The following HECW1 variants were observed in gnomAD, a reference collection of about 807,000 sequenced individuals.
HECW1 encodes the protein E3 ubiquitin-protein ligase HECW1.
A neutral mutation model predicts 182.3 loss-of-function variants in HECW1; 61 were observed. The observed-to-expected ratio is 0.33, with a 90% CI of 0.27 to 0.41. HECW1 has a LOEUF of 0.41. Ranked by LOEUF, HECW1 falls within the 10% of genes least tolerant of loss-of-function variation. The pLI, the probability that HECW1 is intolerant of heterozygous loss-of-function variation, is 1.00. For synonymous variants in HECW1, 859 were observed against 832.6 expected, an observed-to-expected ratio of 1.03 and a Z score of -0.55; for missense variants, 1,739 against 2,108.9, an observed-to-expected ratio of 0.82 and a Z score of 3.44.
chr7:43,150,628 C>T (rs1212409805), intron 2 of HECW1, among the ~76,000 whole-genome samples: 1 of 152,212 alleles, frequency 6.6e-6, no homozygotes, highest in Non-Finnish European at 1.5e-5. Context: ...ATCCACCTGC[C>T]TTGGCCTCCC....
intron 6 of HECW1, among the ~76,000 whole-genome samples, chr7:43,388,246 A>G (rs58158952): frequency 0.011 from 1,600 of 152,310 alleles, 26 homozygotes; most frequent in African/African-American, 0.033. Flanking sequence ...TTCCTGAATT[A>G]TTTATCTCTT....
At chr7:43,474,621 A>C (rs1325825435) in intron 16 of HECW1, among the ~76,000 whole-genome samples, 2 of 152,180 alleles carry the variant, frequency 1.3e-5, no homozygotes, top group Non-Finnish European at 2.9e-5. Context: ...AAAGACATAC[A>C]GTCGTAGTAG....
At chr7:43,514,650 C>T (rs1470665640) in intron 24 of HECW1, among the ~76,000 whole-genome samples, 1 of 152,130 alleles carries the variant, frequency 6.6e-6, no homozygotes, top group Non-Finnish European at 1.5e-5. Context: ...ATTGATGAGG[C>T]ACTCATATGC....
At chr7:43,518,715 T>C (rs1035901201) in intron 24 of HECW1, among the ~76,000 whole-genome samples, 5 of 151,728 alleles carry the variant, frequency 3.3e-5, no homozygotes, top group Non-Finnish European at 1.5e-5. Flanking sequence ...TATGAAAAAG[T>C]TGGTCAGAGA....
intron 21 of HECW1, among the ~76,000 whole-genome samples, chr7:43,506,791 G>A (rs973952963): frequency 6.6e-6 from 1 of 152,002 alleles, no homozygotes; most frequent in Non-Finnish European, 1.5e-5. Flanking sequence ...AATTATCTGG[G>A]TGTGGTAGTG....
intron 3 of HECW1, among the ~76,000 whole-genome samples, chr7:43,281,700 CTTTCT>C (rs1803927519): frequency 7.3e-6 from 1 of 136,246 alleles, no homozygotes; most frequent in Non-Finnish European, 1.6e-5. Flanking sequence ...TTTCTGTTCT[CTTTCT>C]TTGCTTTCTT....
At chr7:43,401,545 T>C (rs2075407280) in intron 7 of HECW1, among the ~76,000 whole-genome samples, 1 of 144,564 alleles carries the variant, frequency 6.9e-6, no homozygotes, top group East Asian at 2.0e-4. Flanking sequence ...GACCAACACC[T>C]AGACAAATCT....
rs2081375523 is a variant in HECW1, at chr7:43,541,881, G to A, written c.4131G>A (p.Leu1377=). Reference sequence around the variant, plus strand: ...TGAATTCACCCAGGCCCTGTGATTTGAGTGACCTGGAATATTTGGATGAGG... The same window carrying A: ...TGAATTCACCCAGGCCCTGTGATTTAAGTGACCTGGAATATTTGGATGAGG... ...YKALLRLPCD[L]SDLEYLDEEF... Residue 1377 remains leucine, a synonymous_variant, in exon 26 of 30, where the codon TTG becomes TTA. Coordinates refer to ENST00000395891, the MANE Select transcript of HECW1 (RefSeq NM_015052.5). The A allele has an allele frequency of 6.6e-7, 1 of 1,521,832 alleles. No homozygotes were observed. The allele number at this position is 1,521,832 out of a possible 1,614,324, so 94.3% of individuals were successfully genotyped here.
chr7:43,514,659 G>C (rs2080055098), intron 24 of HECW1, among the ~76,000 whole-genome samples: 1 of 152,130 alleles, frequency 6.6e-6, no homozygotes, highest in Non-Finnish European at 1.5e-5. Context: ...GCACTCATAT[G>C]CTACTTTTTT....
rs117889829 is a variant in HECW1 at position 43,562,481 on chromosome 7, T to G, written c.*555T>G. On this transcript the variant is annotated 3_prime_UTR_variant, in exon 30 of 30. Coordinates refer to ENST00000395891, the MANE Select transcript of HECW1 (RefSeq NM_015052.5). ...GACAACAGTGGCAAAGCTGAAATTT[T>G]TATACATTCAACTCATGATTCACAT... 3.9e-4 allele frequency: 88 copies of G among 228,312 alleles called. 2 individuals are homozygous for G. The East Asian group carries it at 5.0e-3, about 13-fold the overall frequency. The allele number at this position is 228,312 out of a possible 1,614,324, so 14.1% of individuals were successfully genotyped here. A position where few individuals can be genotyped will look rare whatever the true frequency, so the allele number is the denominator to read the frequency against.
At chr7:43,155,943 G>GTA in intron 2 of HECW1, among the ~76,000 whole-genome samples, 1 of 152,296 alleles carries the variant, frequency 6.6e-6, no homozygotes, top group East Asian at 1.9e-4. Context: ...ACTGGCAACA[G>GTA]TCTACATTTC....
intron 2 of HECW1, among the ~76,000 whole-genome samples, chr7:43,184,755 G>C (rs1189778627): frequency 6.6e-6 from 1 of 152,168 alleles, no homozygotes; most frequent in East Asian, 1.9e-4. Flanking sequence ...ACAAAGAGAA[G>C]AGGTTTAGTT....
At chr7:43,357,809 C>G (rs2152810117) in intron 5 of HECW1, among the ~76,000 whole-genome samples, 1 of 152,010 alleles carries the variant, frequency 6.6e-6, no homozygotes. Flanking sequence ...ATGTATATCC[C>G]AATTACATTC....
intron 27 of HECW1, among the ~76,000 whole-genome samples, chr7:43,551,170 A>C (rs1023856439): frequency 2.6e-5 from 4 of 152,152 alleles, no homozygotes; most frequent in Non-Finnish European, 5.9e-5. Flanking sequence ...GGAGAAGTGC[A>C]CTGGCCATGG....
At chr7:43,433,165 T>C (rs930414044) in intron 8 of HECW1, among the ~76,000 whole-genome samples, 1 of 152,198 alleles carries the variant, frequency 6.6e-6, no homozygotes, top group Non-Finnish European at 1.5e-5. Flanking sequence ...TTAATAAGAA[T>C]GCCAACAAAA....
Position 43,164,682 on chromosome 7 carries a change from C to A in HECW1, c.-32+50291C>A, listed in dbSNP as rs549000631. Among the ~76,000 whole-genome samples, 584 of 152,280 alleles carry A rather than the reference C, an allele frequency of 3.8e-3. 3 individuals are homozygous for A. The highest frequency in any genetic ancestry group is 0.014 in the African/African-American group (562 of 41,568). On this transcript the variant is annotated intron_variant, in intron 2 of 29. Transcript: ENST00000395891. ...TTTCAGGGCCACTGGACTGGACTTT[C>A]CTTTTGGTGTGGAGGGAGGGAGAAG...
At position 43,260,501 on chromosome 7, in the gene HECW1, A is replaced by G. The variant is rs559124497; in HGVS notation, c.27+16569A>G. On this transcript the variant is annotated intron_variant, in intron 3 of 29. Coordinates refer to ENST00000395891, the MANE Select transcript of HECW1 (RefSeq NM_015052.5). ...CATTCTAAGAAAAATAAGATTTTCAAGTGTTTTAAGCTGTGCAGATCACTT... is the reference window on the plus strand; with the variant it reads ...CATTCTAAGAAAAATAAGATTTTCAGGTGTTTTAAGCTGTGCAGATCACTT... 2.6e-5 allele frequency among the ~76,000 whole-genome samples: 4 copies of G among 152,376 alleles called. No individual in the cohort carries two copies. The South Asian group carries it at 8.3e-4, about 32-fold the overall frequency.
chr7:43,504,487 A>G (rs1426154037), intron 21 of HECW1, among the ~76,000 whole-genome samples: 2 of 152,096 alleles, frequency 1.3e-5, no homozygotes, highest in Admixed American at 6.5e-5. Flanking sequence ...ACCCTTGCCA[A>G]TGCCCTGAAC....
At chr7:43,247,779 G>C (rs1400660729) in intron 3 of HECW1, among the ~76,000 whole-genome samples, 8 of 124,430 alleles carry the variant, frequency 6.4e-5, no homozygotes, top group African/African-American at 2.7e-4. Flanking sequence ...AAAAAAGAGA[G>C]AGAAAAAAAG....
Sources: gnomAD v4.1 joint callset for allele counts (sites outside exome capture counted in the v4.1 genomes callset) on GRCh38, gnomAD v4.1.1 for gene constraint, MANE v1.5 for transcripts, NCBI Gene and HGNC (gene_info 2026-07-23, HGNC 2026-07-21) for gene names.